The following KIN variants were observed in gnomAD, a reference collection of about 807,000 sequenced individuals.
KIN encodes the protein DNA/RNA-binding protein KIN17.
KIN carries 47 observed loss-of-function variants against 63.0 expected under a neutral mutation model. The observed-to-expected ratio is 0.75, with a 90% confidence interval of 0.59 to 0.95. The LOEUF (loss-of-function observed/expected upper bound fraction) is 0.95. Among genes scored for constraint, KIN ranks in the 40% least tolerant of loss-of-function variants. The pLI, the probability that KIN is intolerant of heterozygous loss-of-function variation, is 0.00. For missense variants in KIN, 408 were observed against 460.9 expected (o/e 0.89, Z 1.05); for synonymous variants, 160 against 157.7 (o/e 1.01, Z -0.11).
At chr10:7,759,583 G>A (rs1048089100) in intron 12 of KIN, among the ~76,000 whole-genome samples, 2 of 152,006 alleles carry the variant, frequency 1.3e-5, no homozygotes, top group African/African-American at 2.4e-5. Context: ...AGATTGGAAA[G>A]GAACAGACCA....
intron 1 of KIN, among the ~76,000 whole-genome samples, chr10:7,784,877 C>T (rs1426399184): frequency 6.6e-6 from 1 of 152,128 alleles, no homozygotes; most frequent in Non-Finnish European, 1.5e-5. Flanking sequence ...CAAGCTGTCA[C>T]CTTTACTCAA....
chr10:7,776,088 A>G (rs949824547), intron 5 of KIN, among the ~76,000 whole-genome samples: 3 of 151,770 alleles, frequency 2.0e-5, no homozygotes, highest in Non-Finnish European at 2.9e-5. Context: ...AAATTAGCCG[A>G]GCATGGTGGT....
At chr10:7,787,470 CAAGTA>C (rs988785562) in intron 1 of KIN, among the ~76,000 whole-genome samples, 11 of 152,214 alleles carry the variant, frequency 7.2e-5, no homozygotes, top group African/African-American at 2.2e-4. Flanking sequence ...AGAGTCAAGT[CAAGTA>C]AGAGCTGATG....
Position 7,787,957 on chromosome 10 carries a change from T to C in KIN, c.-24A>G. 6.4e-7 allele frequency: 1 copy of C among 1,560,292 alleles called. No individual in the cohort carries two copies. Among genetic ancestry groups the C allele is most frequent in the Non-Finnish European group, 8.8e-7 (1 of 1,130,960 alleles). On this transcript the variant is annotated 5_prime_UTR_variant, in exon 1 of 13. Coordinates refer to ENST00000379562, the MANE Select transcript of KIN (RefSeq NM_012311.4). The stretch of plus-strand genomic sequence containing the variant: ...ATGGCGACCACGGCAGCGATCACTT[T>C]CTGGACCCCAGTACTCAGCCAGCCG...
At chr10:7,782,180 T>A (rs1310556971) in intron 2 of KIN, among the ~76,000 whole-genome samples, 1 of 152,182 alleles carries the variant, frequency 6.6e-6, no homozygotes, top group Admixed American at 6.5e-5. Context: ...CAATATTTTT[T>A]AAAAGTATAA....
rs769070165 is a variant in KIN, at chr10:7,774,809, A to C, written c.668+22T>G. 1.9e-6 allele frequency: 3 copies of C among 1,572,430 alleles called. No individual in the cohort carries two copies. The South Asian group carries it at 3.3e-5, about 17-fold the overall frequency. On this transcript the variant is annotated intron_variant, in intron 7 of 12. Transcript: ENST00000379562. ...CACAAAAATCCTAATGTTTTAAGAT[A>C]TCCGTGAATGATGCAGCTCACCTTG... is the stretch of plus-strand genomic sequence containing the variant.
intron 2 of KIN, 109 bp from the exon 3 acceptor site, chr10:7,780,416 C>A: frequency 1.1e-6 from 1 of 897,120 alleles, no homozygotes; most frequent in Non-Finnish European, 1.7e-6. Context: ...TTTTTTGAGA[C>A]AGAGTCTCGT....
At chr10:7,782,832 A>C (rs938846669) in intron 2 of KIN, among the ~76,000 whole-genome samples, 1 of 152,226 alleles carries the variant, frequency 6.6e-6, no homozygotes, top group Non-Finnish European at 1.5e-5. Context: ...TCTTTGTCAC[A>C]ATTGTATTAG....
chr10:7,760,130 G>C (rs1835411378), intron 11 of KIN, 140 bp from the exon 12 acceptor site: 1 of 505,186 alleles, frequency 2.0e-6, no homozygotes, highest in African/African-American at 2.0e-5. Context: ...AATCATTTAA[G>C]AAGTGTGTAG....
intron 2 of KIN, among the ~76,000 whole-genome samples, chr10:7,782,499 A>G (rs1447325978): frequency 1.3e-5 from 2 of 151,918 alleles, no homozygotes; most frequent in African/African-American, 4.8e-5. Context: ...CCCCGGTTCA[A>G]GCAATTCTCC....
At position 7,752,645 on chromosome 10, in the gene KIN, C is replaced by G. The variant is rs1835260943; in HGVS notation, c.*3435G>C. On this transcript the variant is annotated 3_prime_UTR_variant, in exon 13 of 13. Coordinates refer to ENST00000379562, the MANE Select transcript of KIN (RefSeq NM_012311.4). ...TTGTAGCAGCTTTACTCATAATTTC[C>G]AAACCTTGTAAGCAACCAAGATATC... 1 of 152,174 alleles carries G rather than the reference C, an allele frequency of 6.6e-6. No homozygotes were observed. Among genetic ancestry groups the G allele is most frequent in the Admixed American group, 6.5e-5 (1 of 15,282 alleles). The allele number at this position is 152,174 out of a possible 1,614,324, so 9.4% of individuals were successfully genotyped here.
chr10:7,779,437 C>T (rs536118859), intron 4 of KIN, among the ~76,000 whole-genome samples: 82 of 152,148 alleles, frequency 5.4e-4, no homozygotes, highest in Non-Finnish European at 4.1e-4. Context: ...ACCAAATACA[C>T]TAAAACACAT....
intron 7 of KIN, among the ~76,000 whole-genome samples, chr10:7,772,811 G>A (rs556116834): frequency 6.6e-6 from 1 of 152,244 alleles, no homozygotes; most frequent in South Asian, 2.1e-4. Flanking sequence ...CTAATATCAA[G>A]GTTTGGCATA....
chr10:7,756,180 C>T (rs750510138), intron 12 of KIN, 38 bp from the exon 13 acceptor site: 8 of 1,342,402 alleles, frequency 6.0e-6, no homozygotes, highest in Non-Finnish European at 8.2e-6. Flanking sequence ...GTTAAAAACA[C>T]ATATTCCTAA....
Position 7,754,903 on chromosome 10 carries a change from T to G in KIN, c.*1177A>C, listed in dbSNP as rs192841469. 2 of 152,252 alleles carry G rather than the reference T, an allele frequency of 1.3e-5. No individual in the cohort carries two copies. The highest frequency in any genetic ancestry group is 1.3e-4 in the Admixed American group (2 of 15,274). 9.4% of individuals were successfully genotyped at this position (152,252 alleles called of 1,614,324 possible). A position where few individuals can be genotyped will look rare whatever the true frequency, so the allele number is the denominator to read the frequency against. On this transcript the variant is annotated 3_prime_UTR_variant, in exon 13 of 13. Transcript: ENST00000379562. ...AATGTGGGTTTCCTGTCTTTTGCATTCCCTAATAATACACTGCCCTACTTA... is the reference window on the plus strand; with the variant it reads ...AATGTGGGTTTCCTGTCTTTTGCATGCCCTAATAATACACTGCCCTACTTA...
chr10:7,775,277 T>C (rs1835747284), intron 6 of KIN, among the ~76,000 whole-genome samples: 1 of 152,206 alleles, frequency 6.6e-6, no homozygotes. Flanking sequence ...CAGTGACTGC[T>C]TTTTGAGTGG....
At chr10:7,763,839 T>A (rs1835487564) in intron 9 of KIN, 48 bp from the exon 10 acceptor site, 1 of 935,906 alleles carries the variant, frequency 1.1e-6, no homozygotes, top group South Asian at 1.4e-5. Flanking sequence ...GAAGTTATCG[T>A]TTGTCATTTA....
At chr10:7,756,195 CA>C (rs1012443739) in intron 12 of KIN, 53 bp from the exon 13 acceptor site, 19 of 1,086,898 alleles carry the variant, frequency 1.7e-5, no homozygotes, top group South Asian at 3.3e-5. Flanking sequence ...TCCTAAAAGA[CA>C]AAAAAATGAC....
intron 1 of KIN, among the ~76,000 whole-genome samples, chr10:7,787,573 G>T (rs1026861495): frequency 1.3e-5 from 2 of 152,196 alleles, no homozygotes; most frequent in Non-Finnish European, 1.5e-5. Flanking sequence ...TCATTTCTTT[G>T]GTGGTGGGGA....
Sources: gnomAD v4.1 joint callset for allele counts (sites outside exome capture counted in the v4.1 genomes callset) on GRCh38, gnomAD v4.1.1 for gene constraint, MANE v1.5 for transcripts, NCBI Gene and HGNC (gene_info 2026-07-23, HGNC 2026-07-21) for gene names.